Variants in PCDH15 observed in about 807,000 individuals in gnomAD.
PCDH15 encodes the protein protocadherin related 15.
Under a neutral mutation model 178.5 loss-of-function variants are expected in PCDH15, and 129 were observed. That is an observed-to-expected ratio of 0.72 (90% confidence interval 0.63 to 0.84). The LOEUF (loss-of-function observed/expected upper bound fraction) is 0.84. Among genes scored for constraint, PCDH15 ranks in the 40% least tolerant of loss-of-function variants. The probability of loss-of-function intolerance (pLI) is 0.00; values close to 1 mark genes in which losing one functional copy is unlikely to be tolerated. For missense variants in PCDH15, 2,230 were observed against 2,099.9 expected (o/e 1.06, Z -1.21); for synonymous variants, 800 against 732.0 (o/e 1.09, Z -1.50).
chr10:54,189,201 C>A (rs1451796141), intron 11 of PCDH15, among the ~76,000 whole-genome samples: 6 of 150,984 alleles, frequency 4.0e-5, no homozygotes, highest in Admixed American at 3.3e-4. Context: ...AATTTTAAAC[C>A]AATGAAGTAA....
intron 2 of PCDH15, among the ~76,000 whole-genome samples, chr10:55,410,775 T>A (rs1176656829): frequency 6.6e-6 from 1 of 152,104 alleles, no homozygotes; most frequent in African/African-American, 2.4e-5. Flanking sequence ...TCCTCCCAAA[T>A]GTCAGACAAG....
At chr10:54,408,345 T>C (rs1256269820) in intron 3 of PCDH15, among the ~76,000 whole-genome samples, 1 of 152,070 alleles carries the variant, frequency 6.6e-6, no homozygotes, top group Non-Finnish European at 1.5e-5. Context: ...AAATGTATAG[T>C]CTCATTACAA....
chr10:54,150,351 GT>G (rs1241198175), intron 14 of PCDH15, among the ~76,000 whole-genome samples: 5 of 152,006 alleles, frequency 3.3e-5, no homozygotes, highest in Non-Finnish European at 2.9e-5. Context: ...GCAAAGTTTA[GT>G]TACAGTCCAT....
Position 54,963,592 on chromosome 10 carries a change from T to A in PCDH15, c.-79-66092A>T, listed in dbSNP as rs529476672. Reference sequence around the variant, plus strand: ...AGCATAATACAAATGTAAAGGTGAATATTAGGCAACACTGTATTTAAAAAT... The same window carrying A: ...AGCATAATACAAATGTAAAGGTGAAAATTAGGCAACACTGTATTTAAAAAT... On this transcript the variant is annotated intron_variant, in intron 2 of 5. Transcript: ENST00000458638. Among the ~76,000 whole-genome samples, 202 of 152,322 alleles carry A rather than the reference T, an allele frequency of 1.3e-3. 2 individuals carry two copies. The Middle Eastern group carries it at 0.024, about 18-fold the overall frequency.
intron 21 of PCDH15, among the ~76,000 whole-genome samples, chr10:53,966,017 T>C (rs1157457077): frequency 1.8e-4 from 3 of 16,248 alleles, no homozygotes; most frequent in African/African-American, 3.3e-4. Flanking sequence ...ACAGATAAGA[T>C]TGTATGTATA....
At chr10:53,985,357 G>A (rs573604252) in intron 21 of PCDH15, among the ~76,000 whole-genome samples, 3 of 152,296 alleles carry the variant, frequency 2.0e-5, no homozygotes, top group African/African-American at 7.2e-5. Flanking sequence ...AATGATCACA[G>A]TTGTATAGGA....
chr10:55,026,013 A>G (rs569502896), intron 2 of PCDH15, among the ~76,000 whole-genome samples: 1 of 152,166 alleles, frequency 6.6e-6, no homozygotes, highest in South Asian at 2.1e-4. Flanking sequence ...AGTTTGAATG[A>G]AGTTTTGACA....
chr10:53,961,705 C>A (rs896919641), intron 22 of PCDH15, 47 bp downstream of exon 22: 1 of 1,423,020 alleles, frequency 7.0e-7, no homozygotes, highest in Non-Finnish European at 9.3e-7. Flanking sequence ...AATTCTCTAT[C>A]AAAAATTAAA....
intron 1 of PCDH15, among the ~76,000 whole-genome samples, chr10:54,692,792 T>C (rs757283406): frequency 3.3e-5 from 5 of 151,338 alleles, no homozygotes; most frequent in Non-Finnish European, 7.4e-5. Context: ...GAAAATGATG[T>C]AGTAAAGATT....
At chr10:54,234,780 A>T (rs1464803537) in intron 9 of PCDH15, among the ~76,000 whole-genome samples, 3 of 152,200 alleles carry the variant, frequency 2.0e-5, no homozygotes, top group Admixed American at 1.3e-4. Context: ...AAGAGTTTAT[A>T]TCTATTGTTT....
At chr10:54,707,884 T>A (rs2095382082) in intron 1 of PCDH15, among the ~76,000 whole-genome samples, 1 of 152,152 alleles carries the variant, frequency 6.6e-6, no homozygotes, top group Non-Finnish European at 1.5e-5. Context: ...ATAAAGGACA[T>A]GATATAAACT....
At chr10:54,813,093 G>A (rs1045948335) in intron 3 of PCDH15, among the ~76,000 whole-genome samples, 5 of 152,090 alleles carry the variant, frequency 3.3e-5, no homozygotes, top group South Asian at 2.1e-4. Flanking sequence ...CTGGATTGCC[G>A]AACACCATGC....
chr10:54,000,766 A>G (rs1293154343), intron 20 of PCDH15, among the ~76,000 whole-genome samples: 2 of 152,138 alleles, frequency 1.3e-5, no homozygotes, highest in Non-Finnish European at 2.9e-5. Context: ...AAGGGTAGAA[A>G]GTTTATTAAA....
intron 2 of PCDH15, among the ~76,000 whole-genome samples, chr10:55,573,536 C>G (rs1842445013): frequency 6.6e-6 from 1 of 152,076 alleles, no homozygotes; most frequent in African/African-American, 2.4e-5. Flanking sequence ...TGCAACAACA[C>G]AGATTCCATC....
At chr10:54,092,825 G>A (rs2094623176) in intron 15 of PCDH15, among the ~76,000 whole-genome samples, 1 of 151,858 alleles carries the variant, frequency 6.6e-6, no homozygotes, top group Non-Finnish European at 1.5e-5. Flanking sequence ...TTTTCTCTCG[G>A]TCAATAAATT....
At chr10:54,970,341 G>T (rs1301361930) in intron 2 of PCDH15, among the ~76,000 whole-genome samples, 1 of 152,102 alleles carries the variant, frequency 6.6e-6, no homozygotes, top group Non-Finnish European at 1.5e-5. Context: ...TAAACACCTA[G>T]AAAAATGAAA....
chr10:54,946,788 G>A (rs1838209946), intron 2 of PCDH15, among the ~76,000 whole-genome samples: 1 of 151,790 alleles, frequency 6.6e-6, no homozygotes. Context: ...ATTCAAGCTG[G>A]TGTTAGGAAT....
intron 2 of PCDH15, among the ~76,000 whole-genome samples, chr10:55,345,128 A>AGTGT (rs201984363): frequency 1.5e-4 from 23 of 150,294 alleles, no homozygotes; most frequent in African/African-American, 2.7e-4. Context: ...ATGTCCTAAA[A>AGTGT]GTGTGTGTGT....
At chr10:54,285,820 G>T (rs1325606964) in intron 8 of PCDH15, among the ~76,000 whole-genome samples, 3 of 151,990 alleles carry the variant, frequency 2.0e-5, no homozygotes, top group African/African-American at 4.8e-5. Flanking sequence ...CAACCTAATT[G>T]TTCATCAACT....
Sources: allele counts gnomAD v4.1 joint callset (sites outside exome capture counted in the v4.1 genomes callset), GRCh38; gene constraint gnomAD v4.1.1; transcripts MANE v1.5; gene names NCBI Gene and HGNC (gene_info 2026-07-23, HGNC 2026-07-21).